RBFOX2: variants seen among roughly 807,000 people sequenced by gnomAD.
RBFOX2 encodes the protein RNA binding protein fox-1 homolog 2.
Under a neutral mutation model 49.1 loss-of-function variants are expected in RBFOX2, and 10 were observed. That is an observed-to-expected ratio of 0.20 (90% confidence interval 0.13 to 0.35). RBFOX2 has a LOEUF of 0.35. Ranked by LOEUF, RBFOX2 falls within the 10% of genes least tolerant of loss-of-function variation. The probability of loss-of-function intolerance (pLI) is 1.00; values close to 1 mark genes in which losing one functional copy is unlikely to be tolerated. For missense variants in RBFOX2, 323 were observed against 486.9 expected, an observed-to-expected ratio of 0.66 and a Z score of 3.17; for synonymous variants, 183 against 187.4, an observed-to-expected ratio of 0.98 and a Z score of 0.19.
chr22:35,780,469 A>G (rs1021834842), intron 3 of RBFOX2, among the ~76,000 whole-genome samples: 2 of 152,234 alleles, frequency 1.3e-5, no homozygotes, highest in Non-Finnish European at 2.9e-5. Flanking sequence ...TAAGATCCTT[A>G]GCAGCCATTC....
At chr22:35,869,704 T>C (rs552846119) in intron 1 of RBFOX2, among the ~76,000 whole-genome samples, 51 of 152,296 alleles carry the variant, frequency 3.3e-4, no homozygotes, top group South Asian at 1.4e-3. Context: ...TTGCCCCTTA[T>C]GGTCATGTCC....
chr22:35,913,015 T>C (rs1396637857), intron 1 of RBFOX2, among the ~76,000 whole-genome samples: 1 of 152,258 alleles, frequency 6.6e-6, no homozygotes, highest in African/African-American at 2.4e-5. Context: ...CAATTGTTAA[T>C]GGTTTTGTCT....
At chr22:35,826,410 A>G (rs1955746152) in intron 1 of RBFOX2, among the ~76,000 whole-genome samples, 1 of 152,058 alleles carries the variant, frequency 6.6e-6, no homozygotes, top group South Asian at 2.1e-4. Context: ...AAGAAAAAAT[A>G]GAAAGCATAC....
chr22:36,021,765 G>T (rs1180585425), intron 1 of RBFOX2, among the ~76,000 whole-genome samples: 2 of 152,154 alleles, frequency 1.3e-5, no homozygotes, highest in East Asian at 1.9e-4. Flanking sequence ...GTTCTGATCC[G>T]ATTTGTCCCA....
chr22:35,764,678 G>A (rs1056934002), intron 6 of RBFOX2, among the ~76,000 whole-genome samples: 1 of 151,044 alleles, frequency 6.6e-6, no homozygotes, highest in African/African-American at 2.4e-5. Context: ...TCAGACTAAA[G>A]TACAGCTGAG....
intron 1 of RBFOX2, chr22:35,898,007 C>G (rs2048076299): frequency 2.7e-6 from 2 of 731,438 alleles, no homozygotes; most frequent in Non-Finnish European, 5.0e-6. Flanking sequence ...GTTTCCCAGT[C>G]TCGTCCAACA....
chr22:36,015,054 A>C (rs1197106324), intron 1 of RBFOX2, among the ~76,000 whole-genome samples: 1 of 152,246 alleles, frequency 6.6e-6, no homozygotes, highest in Non-Finnish European at 1.5e-5. Flanking sequence ...TATAATGAGT[A>C]ATGAACAGCA....
chr22:35,898,525 A>G, intron 1 of RBFOX2: 1 of 266,918 alleles, frequency 3.7e-6, no homozygotes, highest in African/African-American at 2.3e-5. Flanking sequence ...TCCCAGGCTC[A>G]AGCGATCCTC....
chr22:35,835,750 A>T (rs938249141), intron 1 of RBFOX2, among the ~76,000 whole-genome samples: 1 of 152,232 alleles, frequency 6.6e-6, no homozygotes, highest in Non-Finnish European at 1.5e-5. Context: ...CAATTTAATG[A>T]GTCAAGATTG....
chr22:35,821,906 G>C (rs374974751), intron 1 of RBFOX2: 47 of 518,896 alleles, frequency 9.1e-5, no homozygotes, highest in African/African-American at 7.3e-4. Context: ...GGAGGAGCAG[G>C]AAATGGGAGG....
intron 1 of RBFOX2, chr22:35,995,008 A>G (rs962830160): frequency 2.6e-5 from 4 of 152,222 alleles, no homozygotes; most frequent in African/African-American, 9.6e-5. Context: ...CTTTACTGAG[A>G]TATCTCATTT....
At chr22:35,967,051 G>A (rs558870967) in intron 1 of RBFOX2, among the ~76,000 whole-genome samples, 55 of 152,032 alleles carry the variant, frequency 3.6e-4, no homozygotes, top group African/African-American at 1.2e-3. Context: ...TTAACTCCTG[G>A]TCTAAAGCAA....
chr22:35,766,534 C>T (rs1941017610), intron 5 of RBFOX2, among the ~76,000 whole-genome samples: 1 of 151,748 alleles, frequency 6.6e-6, no homozygotes, highest in African/African-American at 2.4e-5. Context: ...AGTGATAATC[C>T]CCCATATGAG....
exon 12 of RBFOX2, chr22:35,739,997 G>T (rs1255154676): frequency 6.6e-6 from 1 of 152,660 alleles, no homozygotes; most frequent in Non-Finnish European, 1.5e-5. Flanking sequence ...ACATGGAAAA[G>T]AACTCAGCTA....
intron 1 of RBFOX2, among the ~76,000 whole-genome samples, chr22:35,812,305 T>C (rs1038734609): frequency 1.3e-5 from 2 of 152,080 alleles, no homozygotes; most frequent in African/African-American, 4.8e-5. Context: ...CTTTAGTTCT[T>C]AGAAAATATG....
chr22:35,910,648 G>T (rs563120258), intron 1 of RBFOX2, among the ~76,000 whole-genome samples: 32 of 152,278 alleles, frequency 2.1e-4, no homozygotes, highest in Non-Finnish European at 4.4e-4. Flanking sequence ...GATTCCTGGA[G>T]AATTAGAAGT....
At chr22:35,773,152 C>T (rs1156334576) in intron 4 of RBFOX2, among the ~76,000 whole-genome samples, 3 of 151,482 alleles carry the variant, frequency 2.0e-5, no homozygotes, top group Non-Finnish European at 4.4e-5. Flanking sequence ...TTAAGTTTTA[C>T]TGAAAGTCAA....
chr22:35,767,127 C>T (rs1227656819), intron 5 of RBFOX2, among the ~76,000 whole-genome samples: 1 of 151,930 alleles, frequency 6.6e-6, no homozygotes, highest in African/African-American at 2.4e-5. Context: ...AAAAAAATCA[C>T]CATGAAGTCA....
intron 1 of RBFOX2, among the ~76,000 whole-genome samples, chr22:35,872,787 G>A (rs527347653): frequency 5.9e-5 from 9 of 152,146 alleles, no homozygotes; most frequent in East Asian, 1.9e-4. Context: ...ATGTCTGCCC[G>A]CTAGGGTCTC....
Sources: allele counts gnomAD v4.1 joint callset (sites outside exome capture counted in the v4.1 genomes callset), GRCh38; gene constraint gnomAD v4.1.1; transcripts MANE v1.5; gene names NCBI Gene and HGNC (gene_info 2026-07-23, HGNC 2026-07-21).